Variants in MLC1 observed in about 807,000 individuals in gnomAD.
MLC1 encodes the protein membrane protein MLC1.
MLC1 carries 32 observed loss-of-function variants against 44.7 expected under a neutral mutation model. The observed-to-expected ratio is 0.72, with a 90% confidence interval of 0.54 to 0.96. The LOEUF (loss-of-function observed/expected upper bound fraction) is 0.96, where lower values mean the gene tolerates loss of function less well. Among genes scored for constraint, MLC1 ranks in the 40% least tolerant of loss-of-function variants. The pLI is 0.00. For missense variants in MLC1, 459 were observed against 492.2 expected, an observed-to-expected ratio of 0.93 and a Z score of 0.64; for synonymous variants, 190 against 213.0, an observed-to-expected ratio of 0.89 and a Z score of 0.94.
intron 3 of MLC1, among the ~76,000 whole-genome samples, chr22:50,081,548 C>T (rs1280899026): frequency 1.3e-5 from 2 of 152,226 alleles, no homozygotes; most frequent in African/African-American, 2.4e-5. Context: ...TGGATGGAGT[C>T]GGGCCAGCCC....
At chr22:50,073,948 A>G (rs944090994) in intron 8 of MLC1, among the ~76,000 whole-genome samples, 4 of 152,190 alleles carry the variant, frequency 2.6e-5, no homozygotes, top group African/African-American at 9.6e-5. Context: ...TGACATTCAT[A>G]TGTTAAAAAG....
At chr22:50,080,500 A>G in intron 3 of MLC1, 103 bp from the exon 4 acceptor site, 1 of 1,282,410 alleles carries the variant, frequency 7.8e-7, no homozygotes, top group East Asian at 2.5e-5. Context: ...AATCATATTC[A>G]CAAAACAGTG....
Position 50,080,009 on chromosome 22 carries a change from A to C in MLC1, c.332T>G (p.Phe111Cys). The C allele has an allele frequency of 6.2e-7, 1 of 1,613,590 alleles. No homozygotes were observed. The highest frequency in any genetic ancestry group is 8.5e-7 in the Non-Finnish European group (1 of 1,179,452). The change falls in exon 5 of 12, where the codon TTT becomes TGT. Residue 111 changes from phenylalanine (F) to cysteine (C), a missense_variant. Coordinates refer to ENST00000311597, the MANE Select transcript of MLC1 (RefSeq NM_015166.4). The part of the protein sequence containing the change: ...SRRNANVIPN[F>C]QILFVSTFAV... ...AAACGTGGAAACAAACAATATCTGA[A>C]AGTTGGGAATCTGAAAAACAAGGCA...
At chr22:50,075,688 C>A (rs1208064993) in intron 7 of MLC1, among the ~76,000 whole-genome samples, 1 of 3,210 alleles carries the variant, frequency 3.1e-4, no homozygotes, top group Non-Finnish European at 4.9e-4. Flanking sequence ...CTAGCCTGGG[C>A]AACAGCAGGA....
chr22:50,081,832 C>T (rs923278237), intron 3 of MLC1, among the ~76,000 whole-genome samples: 1 of 152,260 alleles, frequency 6.6e-6, no homozygotes, highest in Non-Finnish European at 1.5e-5. Context: ...TGGGCACTTG[C>T]CCATATCCGG....
rs1267913535 is a variant in MLC1 at position 50,060,670 on chromosome 22, C to G, written c.*913G>C. 1.3e-5 allele frequency: 2 copies of G among 152,582 alleles called. No homozygotes were observed. Among genetic ancestry groups the G allele is most frequent in the Non-Finnish European group, 2.9e-5 (2 of 68,258 alleles). 9.5% of individuals were successfully genotyped at this position (152,582 alleles called of 1,614,324 possible). A position where few individuals can be genotyped will look rare whatever the true frequency, so the allele number is the denominator to read the frequency against. On this transcript the variant is annotated 3_prime_UTR_variant, in exon 12 of 12. Transcript: ENST00000311597. ...CGGTTTACAAAGCCTTGGATGCAGCCCCACCCCCAAGAACACTGCCTGTCA... is the reference window on the plus strand; with the variant it reads ...CGGTTTACAAAGCCTTGGATGCAGCGCCACCCCCAAGAACACTGCCTGTCA...
intron 6 of MLC1, 85 bp from the exon 7 acceptor site, chr22:50,076,997 G>A (rs187323797): frequency 1.0e-4 from 151 of 1,448,392 alleles, no homozygotes; most frequent in Non-Finnish European, 1.4e-4. Flanking sequence ...GTGGGCAGTG[G>A]GTCAGGTCAG....
intron 7 of MLC1, 124 bp from the exon 8 acceptor site, chr22:50,074,456 T>C (rs1602024055): frequency 1.2e-6 from 1 of 858,702 alleles, no homozygotes. Flanking sequence ...GATCTAACCG[T>C]GGAGGAGCCC....
chr22:50,068,745 T>TC lies in MLC1; in HGVS notation c.772-191_772-190insG, dbSNP rs1569244462. ...TTTTTCTTTTTTTTTTTTTTTTTTT[T>TC]TGAGACAAGTCTCGCTGTGTCGCCA... On this transcript the variant is annotated intron_variant, in intron 9 of 11. Transcript: ENST00000311597. Among the ~76,000 whole-genome samples the TC allele has an allele frequency of 4.3e-3, 594 of 138,330 alleles. 4 individuals are homozygous for TC. Among genetic ancestry groups the TC allele is most frequent in the African/African-American group, 0.014 (563 of 39,066 alleles). The allele number at this position is 138,330 out of a possible 152,430, so 90.7% of individuals were successfully genotyped here. A position where few individuals can be genotyped will look rare whatever the true frequency, so the allele number is the denominator to read the frequency against.
At chr22:50,068,851 C>T (rs1437881789) in intron 9 of MLC1, among the ~76,000 whole-genome samples, 2 of 151,420 alleles carry the variant, frequency 1.3e-5, no homozygotes, top group Non-Finnish European at 2.9e-5. Flanking sequence ...CTCAGCCTCC[C>T]GAGTAGCTGG....
At chr22:50,076,275 C>A (rs964238427) in intron 7 of MLC1, among the ~76,000 whole-genome samples, 3 of 152,122 alleles carry the variant, frequency 2.0e-5, no homozygotes, top group Admixed American at 6.6e-5. Context: ...GAGAAAGAGG[C>A]CAGGTGCGGT....
chr22:50,073,317 C>T (rs5771359), intron 8 of MLC1, among the ~76,000 whole-genome samples: 15,875 of 152,308 alleles, frequency 0.1, 945 homozygotes, highest in South Asian at 0.22. Flanking sequence ...GCCGTCAACA[C>T]CGGTGTGCAG....
chr22:50,079,510 T>G (rs1409454945), intron 5 of MLC1, among the ~76,000 whole-genome samples: 1 of 134,172 alleles, frequency 7.5e-6, no homozygotes, highest in Non-Finnish European at 1.6e-5. Context: ...CTTTTTTTTT[T>G]TTTTTTTTTT....
At chr22:50,075,193 G>A (rs2061950096) in intron 7 of MLC1, among the ~76,000 whole-genome samples, 1 of 149,800 alleles carries the variant, frequency 6.7e-6, no homozygotes, top group Admixed American at 6.6e-5. Context: ...GCCAGACTCA[G>A]GGAGGGGCCG....
intron 10 of MLC1, among the ~76,000 whole-genome samples, chr22:50,065,368 C>CA (rs71812068): frequency 0.033 from 4,661 of 141,362 alleles, 229 homozygotes; most frequent in African/African-American, 0.11. Context: ...TCCTCAGTCT[C>CA]AAAAAAAAAA....
At chr22:50,076,994 G>T in intron 6 of MLC1, 82 bp from the exon 7 acceptor site, 8 of 1,482,350 alleles carry the variant, frequency 5.4e-6, no homozygotes, top group Non-Finnish European at 7.5e-6. Context: ...GCCGTGGGCA[G>T]TGGGTCAGGT....
chr22:50,083,580 G>A lies in MLC1; in HGVS notation c.178-407C>T, dbSNP rs1026944725. On this transcript the variant is annotated intron_variant, in intron 2 of 11. Coordinates refer to ENST00000311597, the MANE Select transcript of MLC1 (RefSeq NM_015166.4). This position sits in a 1 kb window ranked among gnomAD's most constrained non-coding sequence, Gnocchi z 4.6. ...GGAAAACAACTGCCCATCCCCCTCCGTCTGCAGAACCTAATTTCCAGATCT... is the reference window on the plus strand; with the variant it reads ...GGAAAACAACTGCCCATCCCCCTCCATCTGCAGAACCTAATTTCCAGATCT... 5.3e-5 allele frequency among the ~76,000 whole-genome samples: 8 copies of A among 152,198 alleles called. No homozygotes were observed. Among genetic ancestry groups the A allele is most frequent in the African/African-American group, 9.6e-5 (4 of 41,458 alleles).
rs556111381 is a variant in MLC1 at position 50,061,026 on chromosome 22, C to T, written c.*557G>A. On this transcript the variant is annotated 3_prime_UTR_variant, in exon 12 of 12. Transcript: ENST00000311597. Reference sequence around the variant, plus strand: ...TGCGGCTCCCGGGCCAGGACAGAGGCGCCCAGCCCTGCTCTCACTGTCCAG... The same window carrying T: ...TGCGGCTCCCGGGCCAGGACAGAGGTGCCCAGCCCTGCTCTCACTGTCCAG... 1.4e-4 allele frequency: 22 copies of T among 161,868 alleles called. No homozygotes were observed. Among genetic ancestry groups the T allele is most frequent in the Admixed American group, 5.1e-4 (9 of 17,584 alleles). 10.0% of individuals were successfully genotyped at this position (161,868 alleles called of 1,614,324 possible). A position where few individuals can be genotyped will look rare whatever the true frequency, so the allele number is the denominator to read the frequency against.
At chr22:50,082,751 G>A (rs2062178304) in intron 3 of MLC1, among the ~76,000 whole-genome samples, 1 of 152,074 alleles carries the variant, frequency 6.6e-6, no homozygotes, top group Non-Finnish European at 1.5e-5. Flanking sequence ...TGCAACCTCC[G>A]CCTCCCAGGT....
Sources: allele counts gnomAD v4.1 joint callset (sites outside exome capture counted in the v4.1 genomes callset), GRCh38; gene constraint gnomAD v4.1.1; non-coding constraint Gnocchi (gnomAD v3.1); transcripts MANE v1.5; gene names NCBI Gene and HGNC (gene_info 2026-07-23, HGNC 2026-07-21).